The following ARHGAP10 variants were observed in gnomAD, a reference collection of about 807,000 sequenced individuals.
The protein encoded by ARHGAP10 is Rho GTPase activating protein 10.
Under a neutral mutation model 108.6 loss-of-function variants are expected in ARHGAP10, and 87 were observed. The ratio of observed to expected loss-of-function variants is 0.80; its 90% confidence interval spans 0.67 to 0.96. The LOEUF is 0.96. ARHGAP10 is among the 40% of genes least tolerant of loss of function. ARHGAP10 has a pLI of 0.00. For missense variants in ARHGAP10, 939 were observed against 954.5 expected (o/e 0.98, Z 0.21); for synonymous variants, 347 against 341.1 (o/e 1.02, Z -0.19).
At chr4:148,032,005 A>G (rs978076413) in intron 19 of ARHGAP10, among the ~76,000 whole-genome samples, 2 of 152,218 alleles carry the variant, frequency 1.3e-5, no homozygotes, top group African/African-American at 4.8e-5. Flanking sequence ...TTATGCTTTA[A>G]CAGGCTGTTA....
At chr4:147,848,361 C>T (rs1733719110) in intron 4 of ARHGAP10, among the ~76,000 whole-genome samples, 1 of 152,262 alleles carries the variant, frequency 6.6e-6, no homozygotes, top group Admixed American at 6.5e-5. Context: ...ACCCCAGGCT[C>T]CTTCCTTGGA....
At chr4:147,792,751 G>A (rs1035083602) in intron 1 of ARHGAP10, among the ~76,000 whole-genome samples, 67 of 151,982 alleles carry the variant, frequency 4.4e-4, no homozygotes, top group African/African-American at 1.5e-3. Context: ...TTGCTTATGG[G>A]GGATTTTTTT....
chr4:147,847,909 G>T (rs185277680), intron 4 of ARHGAP10, among the ~76,000 whole-genome samples: 147 of 152,294 alleles, frequency 9.7e-4, no homozygotes, highest in Non-Finnish European at 1.8e-4. Context: ...TTACCCCAGA[G>T]AAATAATTTC....
intron 1 of ARHGAP10, among the ~76,000 whole-genome samples, chr4:147,776,347 G>A (rs1730289955): frequency 1.3e-5 from 2 of 152,138 alleles, no homozygotes; most frequent in South Asian, 2.1e-4. Context: ...AGACTCCTGA[G>A]TAGCTGGAAT....
At chr4:147,943,794 C>T (rs543540937) in intron 14 of ARHGAP10, among the ~76,000 whole-genome samples, 1 of 152,184 alleles carries the variant, frequency 6.6e-6, no homozygotes, top group African/African-American at 2.4e-5. Context: ...CTGCCTAGTC[C>T]CAGTGCATTC....
chr4:148,058,590 T>C (rs1035825247), intron 20 of ARHGAP10, among the ~76,000 whole-genome samples: 1 of 152,168 alleles, frequency 6.6e-6, no homozygotes, highest in Non-Finnish European at 1.5e-5. Flanking sequence ...AGGCCCCTAC[T>C]CCCTTCCCCC....
At chr4:147,882,048 A>G in intron 10 of ARHGAP10, 116 bp downstream of exon 10, 2 of 925,928 alleles carry the variant, frequency 2.2e-6, no homozygotes, top group East Asian at 2.5e-5. Context: ...TTATCTTGCT[A>G]TATTTCCAGG....
intron 13 of ARHGAP10, among the ~76,000 whole-genome samples, chr4:147,928,583 G>A (rs1282347636): frequency 6.6e-6 from 1 of 152,234 alleles, no homozygotes; most frequent in Non-Finnish European, 1.5e-5. Flanking sequence ...GCAAATAATA[G>A]CTGTCTGTAA....
At chr4:147,870,928 CTGTGTGTGTGTGTGTGTGTGTG>C (rs57348496) in intron 7 of ARHGAP10, among the ~76,000 whole-genome samples, 10 of 139,156 alleles carry the variant, frequency 7.2e-5, no homozygotes, top group Admixed American at 1.5e-4. Flanking sequence ...AAACTACAGA[CTGTGTGTGTGTGTGTGTGTGTG>C]TGTGTGTGTG....
intron 10 of ARHGAP10, among the ~76,000 whole-genome samples, chr4:147,893,745 C>T (rs1735881266): frequency 6.6e-6 from 1 of 151,806 alleles, no homozygotes; most frequent in Non-Finnish European, 1.5e-5. Flanking sequence ...TGATCAGTTA[C>T]TCGGGAACTA....
chr4:147,971,018 A>G (rs1368515569), intron 18 of ARHGAP10, among the ~76,000 whole-genome samples: 2 of 147,372 alleles, frequency 1.4e-5, no homozygotes, highest in Non-Finnish European at 3.0e-5. Flanking sequence ...GCTTGAACCC[A>G]GGAGGTGGAG....
At chr4:147,840,050 T>C (rs1381523202) in intron 3 of ARHGAP10, among the ~76,000 whole-genome samples, 1 of 152,172 alleles carries the variant, frequency 6.6e-6, no homozygotes, top group Non-Finnish European at 1.5e-5. Context: ...GAATCCCAGA[T>C]TGATAGAGAT....
rs180678422 is a variant in ARHGAP10, at chr4:147,755,909, G to A, written c.154+23454G>A. Among the ~76,000 whole-genome samples, 293 of 152,164 alleles carry A rather than the reference G, an allele frequency of 1.9e-3. 3 individuals are homozygous for A. The highest frequency in any genetic ancestry group is 6.9e-4 in the Non-Finnish European group (47 of 68,016). On this transcript the variant is annotated intron_variant, in intron 1 of 22. Transcript: ENST00000336498. Reference sequence around the variant, plus strand: ...ATATGTGTTGAGGAGCAATGCATCAGTAATGAATGTAACAGAAGAGCTGCA... The same window carrying A: ...ATATGTGTTGAGGAGCAATGCATCAATAATGAATGTAACAGAAGAGCTGCA...
chr4:148,031,451 A>G (rs564826237), intron 19 of ARHGAP10, among the ~76,000 whole-genome samples: 14 of 152,342 alleles, frequency 9.2e-5, no homozygotes, highest in African/African-American at 3.4e-4. Flanking sequence ...GAGAAGGCCA[A>G]TAACTCACCC....
intron 1 of ARHGAP10, among the ~76,000 whole-genome samples, chr4:147,747,025 G>A (rs1477224154): frequency 1.3e-5 from 2 of 152,154 alleles, no homozygotes; most frequent in Admixed American, 6.5e-5. Context: ...AAGAGGTAAT[G>A]GGGTTAGGGG....
At chr4:147,939,799 T>G (rs765505337) in intron 13 of ARHGAP10, 26 bp from the exon 14 acceptor site, 57 of 1,591,460 alleles carry the variant, frequency 3.6e-5, no homozygotes, top group Non-Finnish European at 4.7e-5. Context: ...TCTTCTATTT[T>G]GCTAATAGTT....
At chr4:148,043,614 A>AATATATATATATATAT (rs57931206) in intron 19 of ARHGAP10, among the ~76,000 whole-genome samples, 1,108 of 54,646 alleles carry the variant, frequency 0.02, 41 homozygotes, top group Non-Finnish European at 0.028. Context: ...CCCTCTCTCT[A>AATATATATATATATAT]ATATATATAT....
intron 18 of ARHGAP10, among the ~76,000 whole-genome samples, chr4:148,020,592 C>T (rs1741531605): frequency 6.6e-6 from 1 of 151,334 alleles, no homozygotes; most frequent in Admixed American, 6.6e-5. Context: ...TAATGGCTTC[C>T]AGCTCCAACC....
intron 1 of ARHGAP10, among the ~76,000 whole-genome samples, chr4:147,806,662 C>A (rs1272923968): frequency 1.3e-5 from 2 of 152,106 alleles, no homozygotes; most frequent in African/African-American, 4.8e-5. Context: ...TATACAGATT[C>A]CTTGTCTGGC....
Sources: allele counts gnomAD v4.1 joint callset (sites outside exome capture counted in the v4.1 genomes callset), GRCh38; gene constraint gnomAD v4.1.1; transcripts MANE v1.5; gene names NCBI Gene and HGNC (gene_info 2026-07-23, HGNC 2026-07-21).